The following EDN1 variants were observed in gnomAD, a reference collection of about 807,000 sequenced individuals.
The protein encoded by EDN1 is endothelin-1.
EDN1 carries 11 observed loss-of-function variants against 21.7 expected under a neutral mutation model. The observed-to-expected ratio is 0.51, with a 90% CI of 0.32 to 0.84. EDN1 has a LOEUF of 0.84. EDN1 is among the 40% of genes least tolerant of loss of function. EDN1 has a pLI of 0.03. For synonymous variants in EDN1, 85 were observed against 90.6 expected, an observed-to-expected ratio of 0.94 and a Z score of 0.35; for missense variants, 244 against 262.3, an observed-to-expected ratio of 0.93 and a Z score of 0.48.
the EDN1 span, among the ~76,000 whole-genome samples, chr6:12,282,055 A>G: frequency 6.6e-6 from 1 of 152,156 alleles, no homozygotes; most frequent in Non-Finnish European, 1.5e-5. Context: ...CACATATAGG[A>G]AAAAATGCTA....
At chr6:12,264,541 T>C in the EDN1 span, among the ~76,000 whole-genome samples, 1 of 152,210 alleles carries the variant, frequency 6.6e-6, no homozygotes, top group Non-Finnish European at 1.5e-5. Flanking sequence ...TCTTTTGGCT[T>C]CCTTGAGCCA....
At chr6:12,278,758 G>A in the EDN1 span, among the ~76,000 whole-genome samples, 2 of 152,020 alleles carry the variant, frequency 1.3e-5, no homozygotes, top group African/African-American at 2.4e-5. Context: ...TTAGCTGGGC[G>A]TGGTGGTGCG....
At chr6:12,282,410 C>A in the EDN1 span, among the ~76,000 whole-genome samples, 1 of 152,242 alleles carries the variant, frequency 6.6e-6, no homozygotes, top group Non-Finnish European at 1.5e-5. Flanking sequence ...TTTAAACAAG[C>A]TACTTTCCAG....
chr6:12,241,412 C>T, the EDN1 span, among the ~76,000 whole-genome samples: 1 of 151,850 alleles, frequency 6.6e-6, no homozygotes, highest in Non-Finnish European at 1.5e-5. Flanking sequence ...CTCAGGTGAT[C>T]TGCCCGCCTC....
the EDN1 span, among the ~76,000 whole-genome samples, chr6:12,284,744 G>GAAAGAAAGAAAGAAAGA: frequency 2.9e-5 from 2 of 68,766 alleles, no homozygotes; most frequent in African/African-American, 6.1e-5. Flanking sequence ...AGGAAGGAAG[G>GAAAGAAAGAAAGAAAGA]AAGGAAGAAA....
At chr6:12,276,161 C>CAAA in the EDN1 span, among the ~76,000 whole-genome samples, 7 of 68,618 alleles carry the variant, frequency 1.0e-4, 1 homozygote, top group African/African-American at 2.9e-4. Context: ...GACTCCATCT[C>CAAA]AAAAAAAAAA....
chr6:12,260,194 G>GA, the EDN1 span, among the ~76,000 whole-genome samples: 5 of 152,020 alleles, frequency 3.3e-5, no homozygotes, highest in Non-Finnish European at 7.4e-5. Context: ...ACAGACAAGT[G>GA]ACAAAAATAT....
the EDN1 span, among the ~76,000 whole-genome samples, chr6:12,284,623 GAGAA>G: frequency 2.9e-5 from 4 of 136,874 alleles, no homozygotes; most frequent in South Asian, 2.4e-4. Context: ...GAAAGAAAGA[GAGAA>G]AGAAAGGAAA....
the EDN1 span, among the ~76,000 whole-genome samples, chr6:12,250,848 A>G: frequency 1.1e-4 from 17 of 152,222 alleles, no homozygotes; most frequent in Admixed American, 9.8e-4. Context: ...AGGACTCCCT[A>G]AGCCCAAATT....
intron 4 of EDN1, among the ~76,000 whole-genome samples, chr6:12,295,681 C>G (rs1369527630): frequency 6.6e-6 from 1 of 152,120 alleles, no homozygotes; most frequent in Non-Finnish European, 1.5e-5. Context: ...ACGGAAGAAA[C>G]CAGAACAACT....
At chr6:12,233,033 G>A in the EDN1 span, among the ~76,000 whole-genome samples, 1 of 152,180 alleles carries the variant, frequency 6.6e-6, no homozygotes, top group East Asian at 1.9e-4. Flanking sequence ...CAATCTTAGA[G>A]CTAATCCTTT....
the EDN1 span, among the ~76,000 whole-genome samples, chr6:12,247,000 C>A: frequency 1.3e-5 from 2 of 152,222 alleles, no homozygotes; most frequent in Non-Finnish European, 2.9e-5. Context: ...GCCCAATAAA[C>A]ATTTGTTGAA....
chr6:12,252,857 T>C, the EDN1 span, among the ~76,000 whole-genome samples: 10 of 152,138 alleles, frequency 6.6e-5, no homozygotes, highest in South Asian at 2.1e-3. Context: ...ATTATAAAGT[T>C]AGAAGATAAA....
At chr6:12,232,126 T>TA in the EDN1 span, among the ~76,000 whole-genome samples, 1 of 144,578 alleles carries the variant, frequency 6.9e-6, no homozygotes, top group South Asian at 2.1e-4. Context: ...TTATATAAAA[T>TA]TATAATATAA....
Position 12,296,057 on chromosome 6 carries a change from C to T in EDN1, c.629C>T (p.Ala210Val), listed in dbSNP as rs1168389266. 7 of 1,613,830 alleles carry T rather than the reference C, an allele frequency of 4.3e-6. No homozygotes were observed. Among genetic ancestry groups the T allele is most frequent in the Non-Finnish European group, 5.1e-6 (6 of 1,179,890 alleles). ...SRERYVTHNR[A>V]HW ...GAGCGTTATGTGACCCACAACCGAGCACATTGGTGACAGACCTTCGGGGCC... is the reference window on the plus strand; with the variant it reads ...GAGCGTTATGTGACCCACAACCGAGTACATTGGTGACAGACCTTCGGGGCC... The change falls in exon 5 of 5, where the codon GCA becomes GTA. Residue 210 changes from alanine to valine, a missense_variant. Transcript: ENST00000379375.
chr6:12,252,031 G>A, the EDN1 span, among the ~76,000 whole-genome samples: 1,715 of 152,204 alleles, frequency 0.011, 25 homozygotes, highest in African/African-American at 0.04. Flanking sequence ...TAGAACATTG[G>A]GCAGCAAGTT....
the EDN1 span, among the ~76,000 whole-genome samples, chr6:12,241,492 T>TG: frequency 2.6e-5 from 4 of 152,014 alleles, no homozygotes; most frequent in African/African-American, 9.7e-5. Context: ...GTGGGAGAGA[T>TG]GGCTCAAGGA....
the EDN1 span, among the ~76,000 whole-genome samples, chr6:12,276,161 CAAAAAAAAAAAAAA>C: frequency 5.8e-5 from 4 of 68,622 alleles, no homozygotes; most frequent in Admixed American, 2.0e-4. Context: ...GACTCCATCT[CAAAAAAAAAAAAAA>C]AAAAAAAAAA....
In EDN1 at chr6:12,290,567, G is replaced by GT; in HGVS notation, c.-58dup. ...GCAGCGCTTTGAGGGACCTGAAGCTGTTTTTCTTCGTTTTCCTTTGGGTTC... is the reference window on the plus strand; with the variant it reads ...GCAGCGCTTTGAGGGACCTGAAGCTGTTTTTTCTTCGTTTTCCTTTGGGTTC... On this transcript the variant is annotated 5_prime_UTR_variant, in exon 1 of 5. Coordinates refer to ENST00000379375, the MANE Select transcript of EDN1 (RefSeq NM_001955.5). 1 of 1,436,388 alleles carries GT rather than the reference G, an allele frequency of 7.0e-7. No individual in the cohort carries two copies. 89.0% of individuals were successfully genotyped at this position (1,436,388 alleles called of 1,614,324 possible). A position where few individuals can be genotyped will look rare whatever the true frequency, so the allele number is the denominator to read the frequency against.
Sources: gnomAD v4.1 joint callset for allele counts (sites outside exome capture counted in the v4.1 genomes callset) on GRCh38, gnomAD v4.1.1 for gene constraint, MANE v1.5 for transcripts, NCBI Gene and HGNC (gene_info 2026-07-23, HGNC 2026-07-21) for gene names.